RP1: variants seen among roughly 807,000 people sequenced by gnomAD.
RP1 encodes the protein RP1 axonemal microtubule associated.
Under a neutral mutation model 14.8 loss-of-function variants are expected in RP1, and 16 were observed. The observed-to-expected ratio is 1.08, with a 90% CI of 0.73 to 1.65. RP1 has a LOEUF of 1.65. Among genes scored for constraint, RP1 ranks in the 40% most tolerant of loss-of-function variants. The probability of loss-of-function intolerance (pLI) is 0.00; values close to 1 mark genes in which losing one functional copy is unlikely to be tolerated. For synonymous variants in RP1, 876 were observed against 883.6 expected (o/e 0.99, Z 0.15); for missense variants, 2,631 against 2,535.0 (o/e 1.04, Z -0.81).
At chr8:54,586,171 T>A (rs904735654) in intron 1 of RP1, among the ~76,000 whole-genome samples, 20 of 152,250 alleles carry the variant, frequency 1.3e-4, no homozygotes, top group African/African-American at 4.3e-4. Flanking sequence ...ACAGATGGGG[T>A]TTTGGTGTGG....
chr8:54,783,827 G>T (rs772242006), intron 24 of RP1: 11 of 643,452 alleles, frequency 1.7e-5, no homozygotes, highest in Non-Finnish European at 2.4e-5. Flanking sequence ...CATTAAATTT[G>T]CTTGGTGTAT....
intron 17 of RP1, among the ~76,000 whole-genome samples, chr8:54,729,946 G>A (rs1490407565): frequency 1.3e-5 from 2 of 151,686 alleles, no homozygotes; most frequent in East Asian, 3.9e-4. Flanking sequence ...ATAAAAAATA[G>A]CACTTGGCAT....
rs551644524 is a variant in RP1 at position 54,738,583 on chromosome 8, T to A, written c.2722-360T>A. Among the ~76,000 whole-genome samples the A allele has an allele frequency of 3.2e-4, 48 of 152,264 alleles. No individual in the cohort carries two copies. The East Asian group carries it at 5.2e-3, about 17-fold the overall frequency. On this transcript the variant is annotated intron_variant, in intron 18 of 22. Coordinates refer to the RP1 transcript ENST00000636932. The stretch of plus-strand genomic sequence containing the variant: ...CTTTGGCGAAAATTGTTTTTTTTTT[T>A]AATTTCTTAAAATACAAGCCCATCT...
intron 22 of RP1, among the ~76,000 whole-genome samples, chr8:54,762,666 G>A (rs569073065): frequency 3.9e-5 from 6 of 152,268 alleles, no homozygotes; most frequent in African/African-American, 7.2e-5. Flanking sequence ...TGTGGCTGCC[G>A]TAACAAATTG....
intron 9 of RP1, chr8:54,678,615 A>C: frequency 8.5e-7 from 1 of 1,182,826 alleles, no homozygotes; most frequent in South Asian, 1.4e-5. Flanking sequence ...TGGGTAACTT[A>C]TTTAGTTGTT....
upstream of RP1, among the ~76,000 whole-genome samples, chr8:54,612,361 TG>T (rs980199771): frequency 6.6e-6 from 1 of 152,206 alleles, no homozygotes; most frequent in African/African-American, 2.4e-5. Flanking sequence ...CTGCCTGCCA[TG>T]GGGCTGGGGG....
chr8:54,716,156 A>G (rs1161322608), intron 15 of RP1, among the ~76,000 whole-genome samples: 1 of 152,204 alleles, frequency 6.6e-6, no homozygotes, highest in Non-Finnish European at 1.5e-5. Context: ...AAGAGTAGCT[A>G]CGAGATTACT....
intron 25 of RP1, among the ~76,000 whole-genome samples, chr8:54,838,763 A>G (rs921396318): frequency 6.6e-6 from 1 of 152,018 alleles, no homozygotes; most frequent in African/African-American, 2.4e-5. Context: ...TGTATTTGAT[A>G]CTAATACTCA....
At chr8:54,595,910 T>A (rs996967145) in intron 1 of RP1, among the ~76,000 whole-genome samples, 1 of 152,194 alleles carries the variant, frequency 6.6e-6, no homozygotes, top group Non-Finnish European at 1.5e-5. Context: ...ACCATCACAT[T>A]CTTTGGAGGA....
intron 27 of RP1, among the ~76,000 whole-genome samples, chr8:54,863,883 T>C (rs958920615): frequency 4.6e-5 from 7 of 152,240 alleles, no homozygotes; most frequent in African/African-American, 1.4e-4. Context: ...TCTTCCAATG[T>C]CTGTCTGTTG....
At chr8:54,761,485 C>T (rs1809639704) in intron 22 of RP1, among the ~76,000 whole-genome samples, 1 of 152,100 alleles carries the variant, frequency 6.6e-6, no homozygotes, top group Non-Finnish European at 1.5e-5. Context: ...AATCCGCTCG[C>T]CTTAACCTCC....
At chr8:54,810,157 C>A (rs1171442599) in intron 24 of RP1, among the ~76,000 whole-genome samples, 1 of 152,078 alleles carries the variant, frequency 6.6e-6, no homozygotes, top group Non-Finnish European at 1.5e-5. Context: ...CATTTGGCAC[C>A]AGCATGAACT....
At chr8:54,735,108 T>C (rs1049583457) in intron 18 of RP1, among the ~76,000 whole-genome samples, 11 of 152,218 alleles carry the variant, frequency 7.2e-5, no homozygotes, top group African/African-American at 2.4e-4. Flanking sequence ...CATATACTTA[T>C]AGATGTTGCT....
intron 25 of RP1, among the ~76,000 whole-genome samples, chr8:54,839,615 T>C (rs1811744825): frequency 6.6e-6 from 1 of 152,184 alleles, no homozygotes; most frequent in Non-Finnish European, 1.5e-5. Context: ...TCCCTGTCCC[T>C]GCCCTTCACC....
chr8:54,605,735 C>T (rs1160876590), intron 1 of RP1, among the ~76,000 whole-genome samples: 1 of 152,166 alleles, frequency 6.6e-6, no homozygotes, highest in Non-Finnish European at 1.5e-5. Context: ...GTATTCGGTG[C>T]TTATATATTT....
intron 1 of RP1, among the ~76,000 whole-genome samples, chr8:54,568,926 G>T (rs1203484702): frequency 6.6e-6 from 1 of 152,156 alleles, no homozygotes; most frequent in South Asian, 2.1e-4. Context: ...ACATTGCTAA[G>T]CCTCAGTTTC....
chr8:54,576,478 A>G (rs984499669), intron 1 of RP1, among the ~76,000 whole-genome samples: 2 of 152,202 alleles, frequency 1.3e-5, no homozygotes, highest in African/African-American at 2.4e-5. Context: ...CCTAATTTAT[A>G]TCGAGCCTCT....
At chr8:54,684,501 T>C (rs1807511108) in intron 12 of RP1, among the ~76,000 whole-genome samples, 1 of 152,124 alleles carries the variant, frequency 6.6e-6, no homozygotes, top group African/African-American at 2.4e-5. Flanking sequence ...TCCTTATTCA[T>C]CTATTTTGGG....
intron 24 of RP1, among the ~76,000 whole-genome samples, chr8:54,821,634 GTC>G (rs890504168): frequency 4.6e-5 from 7 of 152,080 alleles, no homozygotes; most frequent in Non-Finnish European, 1.0e-4. Context: ...GGTTGCTGAA[GTC>G]TCACACTCTA....
Sources: gnomAD v4.1 joint callset for allele counts (sites outside exome capture counted in the v4.1 genomes callset) on GRCh38, gnomAD v4.1.1 for gene constraint, MANE v1.5 for transcripts, NCBI Gene and HGNC (gene_info 2026-07-23, HGNC 2026-07-21) for gene names.